Variants in PRKAR1B observed in about 807,000 individuals in gnomAD.
PRKAR1B encodes the protein cAMP-dependent protein kinase type I-beta regulatory subunit.
Under a neutral mutation model 46.5 loss-of-function variants are expected in PRKAR1B, and 22 were observed. That is an observed-to-expected ratio of 0.47 (90% confidence interval 0.34 to 0.68). The LOEUF is 0.68. Among genes scored for constraint, PRKAR1B ranks in the 30% least tolerant of loss-of-function variants. PRKAR1B has a pLI of 0.01. For missense variants in PRKAR1B, 445 were observed against 535.6 expected (o/e 0.83, Z 1.67); for synonymous variants, 259 against 217.7 (o/e 1.19, Z -1.67).
At chr7:561,173 G>A (rs763022706) in intron 9 of PRKAR1B, among the ~76,000 whole-genome samples, 5 of 144,590 alleles carry the variant, frequency 3.5e-5, no homozygotes, top group Non-Finnish European at 7.6e-5. Flanking sequence ...ACACGGGTAC[G>A]TGCATACACA....
chr7:683,143 C>T (rs1778793078), intron 2 of PRKAR1B, among the ~76,000 whole-genome samples: 1 of 152,296 alleles, frequency 6.6e-6, no homozygotes, highest in Non-Finnish European at 1.5e-5. Flanking sequence ...AAGACCCAGA[C>T]GTGCCCACCT....
At chr7:663,327 C>T (rs956743485) in intron 4 of PRKAR1B, among the ~76,000 whole-genome samples, 1 of 152,146 alleles carries the variant, frequency 6.6e-6, no homozygotes, top group Non-Finnish European at 1.5e-5. Context: ...CTCCCAGCCT[C>T]AAGCAATCCT....
intron 9 of PRKAR1B, among the ~76,000 whole-genome samples, chr7:577,256 G>A (rs893681693): frequency 2.0e-5 from 3 of 152,244 alleles, no homozygotes; most frequent in African/African-American, 7.2e-5. Context: ...CTGACCTCCT[G>A]TTTCTTTCCA....
rs773179593 is a variant in PRKAR1B at position 711,312 on chromosome 7, C to T, written c.177+17G>A. The stretch of plus-strand genomic sequence containing the variant: ...GACACGTGCGAAGGGAAGCAGCGGG[C>T]GGCGGGGGCCACTCACCTTCTCCAG... On this transcript the variant is annotated intron_variant, in intron 2 of 10. Transcript: ENST00000537384. 1.1e-4 allele frequency: 179 copies of T among 1,613,192 alleles called. No individual in the cohort carries two copies. The highest frequency in any genetic ancestry group is 1.5e-4 in the Non-Finnish European group (172 of 1,179,496).
chr7:566,660 ACCATC>A (rs1779182607), intron 9 of PRKAR1B, among the ~76,000 whole-genome samples: 1 of 133,046 alleles, frequency 7.5e-6, no homozygotes, highest in Non-Finnish European at 1.6e-5. Flanking sequence ...CACCATCATC[ACCATC>A]ACCTTCATCA....
chr7:633,501 C>T (rs184553844), intron 4 of PRKAR1B, among the ~76,000 whole-genome samples: 128 of 152,280 alleles, frequency 8.4e-4, no homozygotes, highest in Non-Finnish European at 1.4e-3. Flanking sequence ...TGGTGGCTTA[C>T]ACCTGTAGTC....
chr7:604,420 G>C (rs930556468), intron 6 of PRKAR1B, among the ~76,000 whole-genome samples: 2 of 152,202 alleles, frequency 1.3e-5, no homozygotes, highest in Non-Finnish European at 2.9e-5. Context: ...CATCTCTAGG[G>C]GAGACAGGAG....
intron 6 of PRKAR1B, among the ~76,000 whole-genome samples, chr7:599,360 C>T (rs1234397464): frequency 2.0e-5 from 3 of 151,574 alleles, no homozygotes; most frequent in South Asian, 4.2e-4. Context: ...TGCAATGGTG[C>T]GATCTCGGCT....
intron 8 of PRKAR1B, among the ~76,000 whole-genome samples, chr7:581,387 A>G (rs1780178493): frequency 6.6e-6 from 1 of 152,070 alleles, no homozygotes; most frequent in African/African-American, 2.4e-5. Context: ...AAGCAGGCCA[A>G]CACATCAGTG....
At chr7:635,595 G>A (rs1172516580) in intron 4 of PRKAR1B, among the ~76,000 whole-genome samples, 3 of 152,172 alleles carry the variant, frequency 2.0e-5, no homozygotes, top group African/African-American at 7.2e-5. Flanking sequence ...AGCCCGGAAG[G>A]CTCGGGACTC....
At chr7:603,315 C>T (rs571514081) in intron 6 of PRKAR1B, 2 of 152,514 alleles carry the variant, frequency 1.3e-5, no homozygotes, top group African/African-American at 4.8e-5. Context: ...TCTATCAAAG[C>T]CCAGCCGCAG....
chr7:556,008 G>C (rs1159612375), intron 9 of PRKAR1B, among the ~76,000 whole-genome samples: 1 of 152,182 alleles, frequency 6.6e-6, no homozygotes, highest in African/African-American at 2.4e-5. Flanking sequence ...GCTCATCCCA[G>C]CAGTGCGGCC....
At chr7:681,509 A>T (rs2128508111) in intron 2 of PRKAR1B, among the ~76,000 whole-genome samples, 1 of 152,202 alleles carries the variant, frequency 6.6e-6, no homozygotes, top group South Asian at 2.1e-4. Context: ...TAAAACTTTA[A>T]TTTGCTTTTT....
intron 2 of PRKAR1B, among the ~76,000 whole-genome samples, chr7:702,494 A>G (rs553704661): frequency 6.6e-6 from 1 of 152,296 alleles, no homozygotes; most frequent in African/African-American, 2.4e-5. Flanking sequence ...CAAGATTTGC[A>G]AAGGGAAACC....
chr7:584,384 C>T (rs1227536717), intron 8 of PRKAR1B, 124 bp downstream of exon 8: 2 of 788,154 alleles, frequency 2.5e-6, no homozygotes, highest in African/African-American at 1.7e-5. Flanking sequence ...GTGTTGCACC[C>T]CAAACCTCCA....
At chr7:577,799 G>C (rs1779945122) in intron 9 of PRKAR1B, among the ~76,000 whole-genome samples, 1 of 152,236 alleles carries the variant, frequency 6.6e-6, no homozygotes, top group South Asian at 2.1e-4. Flanking sequence ...CCCAGGACAG[G>C]ATTCAAGGGC....
chr7:592,126 A>G (rs532546375), intron 7 of PRKAR1B, among the ~76,000 whole-genome samples: 46 of 151,982 alleles, frequency 3.0e-4, no homozygotes, highest in Middle Eastern at 3.4e-3. Flanking sequence ...TGATCCCCCC[A>G]TGGATCAGGG....
At chr7:574,660 T>TC (rs2128439228) in intron 9 of PRKAR1B, among the ~76,000 whole-genome samples, 1 of 152,330 alleles carries the variant, frequency 6.6e-6, no homozygotes, top group African/African-American at 2.4e-5. Flanking sequence ...GCCAGGCTGA[T>TC]CTTGAAGTCC....
At chr7:659,184 T>G (rs1201839438) in intron 4 of PRKAR1B, among the ~76,000 whole-genome samples, 1 of 152,198 alleles carries the variant, frequency 6.6e-6, no homozygotes, top group East Asian at 1.9e-4. Flanking sequence ...TCAGCACGTC[T>G]CACTGCCTCA....
Sources: allele counts gnomAD v4.1 joint callset (sites outside exome capture counted in the v4.1 genomes callset), GRCh38; gene constraint gnomAD v4.1.1; transcripts MANE v1.5; gene names NCBI Gene and HGNC (gene_info 2026-07-23, HGNC 2026-07-21).